FBXO31: variants seen among roughly 807,000 people sequenced by gnomAD.
The protein encoded by FBXO31 is F-box protein 31, also known as F-box only protein 31.
FBXO31 carries 24 observed loss-of-function variants against 54.4 expected under a neutral mutation model. The ratio of observed to expected loss-of-function variants is 0.44; its 90% CI spans 0.32 to 0.62. The LOEUF is 0.62. FBXO31 is among the 20% of genes least tolerant of loss of function. The probability of loss-of-function intolerance (pLI) is 0.05; values close to 1 mark genes in which losing one functional copy is unlikely to be tolerated. For synonymous variants in FBXO31, 388 were observed against 335.6 expected (o/e 1.16, Z -1.71); for missense variants, 665 against 787.1 (o/e 0.84, Z 1.86).
chr16:87,331,854 C>T (rs1904871993), intron 8 of FBXO31, among the ~76,000 whole-genome samples: 1 of 152,252 alleles, frequency 6.6e-6, no homozygotes, highest in Admixed American at 6.5e-5. Flanking sequence ...AACGAGGTCT[C>T]TGCAGGCCCA....
intron 3 of FBXO31, among the ~76,000 whole-genome samples, 190 bp from the exon 4 acceptor site, chr16:87,343,955 C>T (rs1450624782): frequency 2.6e-5 from 4 of 152,232 alleles, no homozygotes; most frequent in African/African-American, 9.6e-5. Context: ...AGGTGGACAC[C>T]AGGAGGAGGC....
At chr16:87,368,242 C>G (rs1165155073) in intron 1 of FBXO31, among the ~76,000 whole-genome samples, 2 of 152,132 alleles carry the variant, frequency 1.3e-5, no homozygotes, top group Non-Finnish European at 2.9e-5. Context: ...GACAAATGAA[C>G]CAGAGGAGAA....
At chr16:87,391,354 C>G (rs1364174095), upstream of FBXO31, among the ~76,000 whole-genome samples, 1 of 152,206 alleles carries the variant, frequency 6.6e-6, no homozygotes, top group African/African-American at 2.4e-5. Context: ...GACACATTGG[C>G]CACAGGCTGA....
chr16:87,381,869 C>T (rs1188504707), intron 1 of FBXO31, among the ~76,000 whole-genome samples: 1 of 152,048 alleles, frequency 6.6e-6, no homozygotes, highest in East Asian at 1.9e-4. Context: ...ACTAAAAATA[C>T]AAAAATTAGC....
At chr16:87,375,150 C>CA (rs1406189317) in intron 1 of FBXO31, among the ~76,000 whole-genome samples, 1 of 152,080 alleles carries the variant, frequency 6.6e-6, no homozygotes, top group Non-Finnish European at 1.5e-5. Context: ...ACTAAAAATA[C>CA]AAAAAATTAG....
At chr16:87,372,230 C>T (rs899727329) in intron 1 of FBXO31, among the ~76,000 whole-genome samples, 3 of 152,052 alleles carry the variant, frequency 2.0e-5, no homozygotes, top group African/African-American at 7.2e-5. Context: ...TGAAATGCTC[C>T]CCTAATAAGC....
rs571519159 is a variant in FBXO31 at position 87,345,728 on chromosome 16, C to T, written c.489+1446G>A. ...GAGAGCAATGAAGGTAGCCCAGTGACGAGGACCCAAGGCCCTGAAGAGAAG... is the reference window on the plus strand; with the variant it reads ...GAGAGCAATGAAGGTAGCCCAGTGATGAGGACCCAAGGCCCTGAAGAGAAG... On this transcript the variant is annotated intron_variant, in intron 3 of 8. Transcript: ENST00000311635. This position sits in a 1 kb window ranked among gnomAD's most constrained non-coding sequence, Gnocchi z 4.9. 2.6e-5 allele frequency among the ~76,000 whole-genome samples: 4 copies of T among 152,206 alleles called. No individual in the cohort carries two copies. The highest frequency in any genetic ancestry group is 4.8e-5 in the African/African-American group (2 of 41,438).
At chr16:87,367,434 A>AGG (rs549516018) in intron 1 of FBXO31, 1 of 152,228 alleles carries the variant, frequency 6.6e-6, no homozygotes, top group African/African-American at 2.4e-5. Flanking sequence ...CAAGATTCCC[A>AGG]GGGGGGTCCT....
At chr16:87,372,106 C>G (rs1298227834) in intron 1 of FBXO31, among the ~76,000 whole-genome samples, 1 of 151,992 alleles carries the variant, frequency 6.6e-6, no homozygotes, top group Non-Finnish European at 1.5e-5. Context: ...TGCATGTAGT[C>G]CTAGCTACTG....
intron 1 of FBXO31, among the ~76,000 whole-genome samples, chr16:87,382,874 G>C (rs1356293939): frequency 6.6e-6 from 1 of 152,178 alleles, no homozygotes. Flanking sequence ...GACCTCAGGT[G>C]ACCCGCCCGC....
chr16:87,347,349 A>G (rs190514557), intron 2 of FBXO31, 99 bp from the exon 3 acceptor site: 11 of 1,006,910 alleles, frequency 1.1e-5, no homozygotes, highest in African/African-American at 3.2e-5. Flanking sequence ...GAGGACTCAC[A>G]AAAGGCTTGC....
intron 1 of FBXO31, among the ~76,000 whole-genome samples, chr16:87,379,736 C>G (rs1428532035): frequency 6.6e-6 from 1 of 151,828 alleles, no homozygotes; most frequent in South Asian, 2.1e-4. Flanking sequence ...TACAGACGCC[C>G]ACCACCACAC....
At chr16:87,363,339 G>A (rs951862477) in intron 1 of FBXO31, among the ~76,000 whole-genome samples, 2 of 152,082 alleles carry the variant, frequency 1.3e-5, no homozygotes, top group African/African-American at 4.8e-5. Flanking sequence ...AGCCAAGATC[G>A]CACCACTGCA....
chr16:87,365,184 C>T (rs988619001), intron 1 of FBXO31, among the ~76,000 whole-genome samples: 1 of 150,464 alleles, frequency 6.6e-6, no homozygotes, highest in Non-Finnish European at 1.5e-5. Context: ...GCGGAATGAG[C>T]CTCTGGGCCA....
intron 1 of FBXO31, among the ~76,000 whole-genome samples, chr16:87,362,100 C>G (rs904475919): frequency 6.8e-6 from 1 of 147,922 alleles, no homozygotes; most frequent in Middle Eastern, 3.5e-3. Context: ...TTGAAGATCT[C>G]CCACAGAGCC....
chr16:87,355,080 A>G (rs1464188440), intron 2 of FBXO31, among the ~76,000 whole-genome samples: 1 of 151,350 alleles, frequency 6.6e-6, no homozygotes, highest in African/African-American at 2.4e-5. Context: ...TAGCTCAGCC[A>G]GGCGCAGTGG....
chr16:87,350,488 C>T (rs558171939), intron 2 of FBXO31, among the ~76,000 whole-genome samples: 8 of 152,256 alleles, frequency 5.3e-5, no homozygotes, highest in East Asian at 1.9e-4. Context: ...CACACCTAGA[C>T]GGGTGTGTGA....
chr16:87,365,597 G>A (rs561341866), intron 1 of FBXO31, among the ~76,000 whole-genome samples: 8 of 152,320 alleles, frequency 5.3e-5, no homozygotes, highest in South Asian at 2.1e-4. Context: ...AGCCCTGCAC[G>A]GGCTGTGAAC....
intron 5 of FBXO31, among the ~76,000 whole-genome samples, chr16:87,340,519 T>G (rs1905159049): frequency 6.6e-6 from 1 of 152,224 alleles, no homozygotes; most frequent in African/African-American, 2.4e-5. Flanking sequence ...CACATCAGAA[T>G]AGATCCAACG....
Sources: gnomAD v4.1 joint callset for allele counts (sites outside exome capture counted in the v4.1 genomes callset) on GRCh38, gnomAD v4.1.1 for gene constraint, Gnocchi (gnomAD v3.1) non-coding constraint, MANE v1.5 for transcripts, NCBI Gene and HGNC (gene_info 2026-07-23, HGNC 2026-07-21) for gene names.